Variants in MEMO1 observed in about 807,000 individuals in gnomAD.
MEMO1 encodes mediator of cell motility 1.
MEMO1 carries 6 observed loss-of-function variants against 45.2 expected under a neutral mutation model. The ratio of observed to expected loss-of-function variants is 0.13; its 90% CI spans 0.07 to 0.26. MEMO1 has a LOEUF of 0.26. MEMO1 is among the 10% of genes least tolerant of loss of function. The pLI is 1.00. For missense variants in MEMO1, 184 were observed against 370.5 expected, an observed-to-expected ratio of 0.50 and a Z score of 4.13; for synonymous variants, 78 against 124.3, an observed-to-expected ratio of 0.63 and a Z score of 2.48.
At chr2:31,894,071 G>A (rs150106870) in intron 6 of MEMO1, among the ~76,000 whole-genome samples, 4 of 152,062 alleles carry the variant, frequency 2.6e-5, no homozygotes, top group African/African-American at 9.6e-5. Context: ...TCCAGTGAAG[G>A]AATACAAAAT....
At chr2:31,898,073 T>C (rs1040665282) in intron 6 of MEMO1, among the ~76,000 whole-genome samples, 2 of 152,024 alleles carry the variant, frequency 1.3e-5, no homozygotes, top group African/African-American at 2.4e-5. Flanking sequence ...CTCTTTATCA[T>C]TTTTTACTGT....
chr2:31,943,723 T>C (rs551902114), intron 2 of MEMO1, among the ~76,000 whole-genome samples: 2 of 152,318 alleles, frequency 1.3e-5, no homozygotes, highest in East Asian at 1.9e-4. Flanking sequence ...GAGGAAATAA[T>C]TGAATATGTT....
intron 3 of MEMO1, among the ~76,000 whole-genome samples, chr2:31,936,433 A>G (rs1664930549): frequency 6.6e-6 from 1 of 152,172 alleles, no homozygotes; most frequent in East Asian, 1.9e-4. Context: ...CTAAAAATTG[A>G]TCCTTCTTTT....
intron 2 of MEMO1, among the ~76,000 whole-genome samples, chr2:31,949,289 T>C (rs941338489): frequency 1.3e-5 from 2 of 152,162 alleles, no homozygotes; most frequent in Admixed American, 6.6e-5. Context: ...GAAATCACTA[T>C]ATTGAAGGGA....
intron 6 of MEMO1, among the ~76,000 whole-genome samples, chr2:31,898,453 C>T (rs1420499655): frequency 6.6e-6 from 1 of 152,166 alleles, no homozygotes; most frequent in African/African-American, 2.4e-5. Flanking sequence ...TTCTTTATTT[C>T]TGCCTTAATT....
chr2:31,979,270 TG>T (rs1456042961), intron 2 of MEMO1, among the ~76,000 whole-genome samples: 2 of 152,150 alleles, frequency 1.3e-5, no homozygotes, highest in Middle Eastern at 3.2e-3. Flanking sequence ...CCTCAACGCC[TG>T]GGGATTACAA....
At chr2:31,938,599 G>C (rs973851738) in intron 3 of MEMO1, among the ~76,000 whole-genome samples, 2 of 151,902 alleles carry the variant, frequency 1.3e-5, no homozygotes, top group Non-Finnish European at 2.9e-5. Flanking sequence ...AGTGAGCTGA[G>C]ATCGCGCCAC....
At position 31,920,838 on chromosome 2, in the gene MEMO1, T is replaced by C. The variant is rs1232599002; in HGVS notation, c.285A>G (p.Ile95Met). The change falls in exon 5 of 10, where the codon ATA becomes ATG. Residue 95 changes from isoleucine (I) to methionine (M), a missense_variant. Transcript: ENST00000404530. ...LSRCALSSVD[I>M]YRTPLYDLRI... ...GAAGGTCATACAGAGGTGTCCTATA[T>C]ATATCCACACTGGAAAGTGCACATC... 6 of 1,611,466 alleles carry C rather than the reference T, an allele frequency of 3.7e-6. No homozygotes were observed. Among genetic ancestry groups the C allele is most frequent in the African/African-American group, 2.7e-5 (2 of 74,786 alleles).
intron 6 of MEMO1, among the ~76,000 whole-genome samples, chr2:31,893,684 A>G (rs1572592603): frequency 6.6e-6 from 1 of 152,216 alleles, no homozygotes; most frequent in Admixed American, 6.5e-5. Context: ...CCGTATCTGT[A>G]AAATGATCAT....
intron 2 of MEMO1, among the ~76,000 whole-genome samples, chr2:31,943,938 A>C (rs892615376): frequency 2.6e-5 from 4 of 152,176 alleles, no homozygotes; most frequent in Admixed American, 6.5e-5. Flanking sequence ...TAATTTTTCC[A>C]GTTCACTACC....
intron 7 of MEMO1, among the ~76,000 whole-genome samples, chr2:31,886,763 C>A (rs1249008811): frequency 6.6e-6 from 1 of 152,142 alleles, no homozygotes; most frequent in Non-Finnish European, 1.5e-5. Context: ...TAAAGCGTAT[C>A]ACATAGTAAG....
intron 6 of MEMO1, among the ~76,000 whole-genome samples, chr2:31,914,396 A>T (rs1362215740): frequency 6.6e-6 from 1 of 152,220 alleles, no homozygotes; most frequent in Non-Finnish European, 1.5e-5. Flanking sequence ...GTTAATGGAT[A>T]CAAAACAAAA....
chr2:32,000,617 C>T (rs972071789), intron 2 of MEMO1, among the ~76,000 whole-genome samples: 6 of 152,134 alleles, frequency 3.9e-5, no homozygotes, highest in Admixed American at 1.3e-4. Context: ...CCGCCCTCCT[C>T]GGCCTCCCAA....
chr2:31,896,853 A>G (rs996640617), intron 6 of MEMO1, among the ~76,000 whole-genome samples: 3 of 152,242 alleles, frequency 2.0e-5, no homozygotes, highest in Admixed American at 1.3e-4. Context: ...GTATGAATAG[A>G]TATTTCACAA....
intron 7 of MEMO1, among the ~76,000 whole-genome samples, chr2:31,890,629 T>C (rs1043883090): frequency 1.3e-5 from 2 of 152,124 alleles, no homozygotes; most frequent in Non-Finnish European, 2.9e-5. Context: ...AGAAGAACCC[T>C]GAGAGCTTCT....
chr2:31,999,469 C>G (rs1051751889), intron 2 of MEMO1, among the ~76,000 whole-genome samples: 1 of 152,050 alleles, frequency 6.6e-6, no homozygotes, highest in East Asian at 1.9e-4. Context: ...TTAAGACCAG[C>G]CTGAGCAATA....
chr2:31,914,826 T>C (rs1264678267), intron 6 of MEMO1, among the ~76,000 whole-genome samples: 1 of 151,896 alleles, frequency 6.6e-6, no homozygotes, highest in African/African-American at 2.4e-5. Context: ...GATATGGTAG[T>C]ACATACCTGT....
At chr2:31,937,045 TTTGA>T (rs1431579461) in intron 3 of MEMO1, among the ~76,000 whole-genome samples, 1 of 152,216 alleles carries the variant, frequency 6.6e-6, no homozygotes, top group Non-Finnish European at 1.5e-5. Flanking sequence ...ATGGGATCAA[TTTGA>T]TTGACAACTG....
At chr2:31,917,357 G>C (rs1161974796) in intron 6 of MEMO1, among the ~76,000 whole-genome samples, 1 of 152,066 alleles carries the variant, frequency 6.6e-6, no homozygotes, top group Non-Finnish European at 1.5e-5. Context: ...ACTATGTGCT[G>C]GACACTGTGC....
Sources: gnomAD v4.1 joint callset for allele counts (sites outside exome capture counted in the v4.1 genomes callset) on GRCh38, gnomAD v4.1.1 for gene constraint, MANE v1.5 for transcripts, NCBI Gene and HGNC (gene_info 2026-07-23, HGNC 2026-07-21) for gene names.